ABCC11: variants seen among roughly 807,000 people sequenced by gnomAD.
ABCC11 encodes ATP binding cassette subfamily C member 11.
ABCC11 carries 135 observed loss-of-function variants against 149.3 expected under a neutral mutation model. The ratio of observed to expected loss-of-function variants is 0.90; its 90% confidence interval spans 0.79 to 1.04. ABCC11 has a LOEUF of 1.04. ABCC11 is among the 50% of genes least tolerant of loss of function. ABCC11 has a pLI of 0.00. For synonymous variants in ABCC11, 665 were observed against 671.4 expected, an observed-to-expected ratio of 0.99 and a Z score of 0.15; for missense variants, 1,680 against 1,722.1, an observed-to-expected ratio of 0.98 and a Z score of 0.43.
chr16:48,198,999 A>C (rs1226671256), intron 15 of ABCC11, among the ~76,000 whole-genome samples: 5 of 151,642 alleles, frequency 3.3e-5, no homozygotes, highest in Non-Finnish European at 7.4e-5. Context: ...GTACCATTGC[A>C]CTCCAGCCTA....
Position 48,184,522 on chromosome 16 carries a change from A to G in ABCC11, c.3176T>C (p.Leu1059Ser). ...AAAAGCCACGAACAGGGCAACAGCC[A>G]AGGTCACAAGGTTGGTCATGATCTC... ...RLEIMTNLVT[L>S]AVALFVAFGI... Residue 1059 changes from leucine to serine, a missense_variant, in exon 23 of 30, where the codon TTG becomes TCG. Leu to Ser is a moderately radical substitution (Grantham distance 145). Coordinates refer to ENST00000356608, the MANE Select transcript of ABCC11 (RefSeq NM_001370497.1). 1 of 1,614,258 alleles carries G rather than the reference A, an allele frequency of 6.2e-7. No homozygotes were observed. Among genetic ancestry groups the G allele is most frequent in the Non-Finnish European group, 8.5e-7 (1 of 1,180,046 alleles).
At position 48,167,145 on chromosome 16, in the gene ABCC11, A is replaced by AC; in HGVS notation, c.*128dup. On this transcript the variant is annotated 3_prime_UTR_variant, in exon 30 of 30. Transcript: ENST00000356608. The stretch of plus-strand genomic sequence containing the variant: ...CCATCCAGCAATCCCCACCCCCCCT[A>AC]CATTTACCCCTGCTTCCAGGAGAAG... 2.8e-6 allele frequency: 1 copy of AC among 357,034 alleles called. No homozygotes were observed. Among genetic ancestry groups the AC allele is most frequent in the Non-Finnish European group, 5.6e-6 (1 of 177,328 alleles). The allele number at this position is 357,034 out of a possible 1,614,324, so 22.1% of individuals were successfully genotyped here.
intron 20 of ABCC11, 38 bp downstream of exon 20, chr16:48,192,482 G>A: frequency 6.2e-7 from 1 of 1,604,778 alleles, no homozygotes; most frequent in Non-Finnish European, 8.5e-7. Flanking sequence ...CAAGTTCAGA[G>A]CTCAGCCTTC....
At chr16:48,246,051 T>A (rs1329181630) in intron 1 of ABCC11, among the ~76,000 whole-genome samples, 1 of 152,200 alleles carries the variant, frequency 6.6e-6, no homozygotes, top group Admixed American at 6.5e-5. Context: ...TGTGACTATG[T>A]ACATTTTTTT....
intron 9 of ABCC11, 36 bp downstream of exon 9, chr16:48,214,845 A>C (rs770374067): frequency 1.2e-6 from 2 of 1,612,164 alleles, no homozygotes; most frequent in African/African-American, 2.7e-5. Flanking sequence ...ATTCCCAATC[A>C]TGATGGGGAG....
intron 25 of ABCC11, 124 bp downstream of exon 25, chr16:48,176,800 A>G: frequency 8.5e-7 from 1 of 1,179,124 alleles, no homozygotes. Context: ...CACAGGGCCC[A>G]GCACAGCATG....
intron 3 of ABCC11, among the ~76,000 whole-genome samples, chr16:48,228,419 C>T (rs1437971432): frequency 1.3e-5 from 2 of 151,908 alleles, no homozygotes; most frequent in Admixed American, 1.3e-4. Context: ...CATTGTGAAA[C>T]CCTGTATCTA....
rs558613647 is a variant in ABCC11, at chr16:48,189,088, T to G, written c.2707-1661A>C. Among the ~76,000 whole-genome samples the G allele has an allele frequency of 3.3e-5, 5 of 152,392 alleles. No individual in the cohort carries two copies. The East Asian group carries it at 9.6e-4, about 29-fold the overall frequency. On this transcript the variant is annotated intron_variant, in intron 20 of 29. Transcript: ENST00000356608. ...AGATTTAAAGCCTCCTTGCTTTTTC[T>G]GCCTCTAAAATCCCTTCAATTTTAT...
intron 11 of ABCC11, among the ~76,000 whole-genome samples, chr16:48,209,102 G>C (rs1251226711): frequency 6.6e-6 from 1 of 152,178 alleles, no homozygotes; most frequent in Non-Finnish European, 1.5e-5. Flanking sequence ...GTTGGGGGTT[G>C]AGGCAATTTT....
Position 48,231,250 on chromosome 16 carries a change from G to T in ABCC11, c.99+573C>A, listed in dbSNP as rs1970397618. ...AGATAAATAGGTAATAGGTGATAGAGAGATAGATACAATCTAATCTCTATA... is the reference window on the plus strand; with the variant it reads ...AGATAAATAGGTAATAGGTGATAGATAGATAGATACAATCTAATCTCTATA... On this transcript the variant is annotated intron_variant, in intron 2 of 29. Transcript: ENST00000356608. Among the ~76,000 whole-genome samples the T allele has an allele frequency of 2.6e-5, 4 of 152,090 alleles. 1 individual carries two copies. The highest frequency in any genetic ancestry group is 3.4e-3 in the Middle Eastern group (1 of 294).
intron 1 of ABCC11, among the ~76,000 whole-genome samples, chr16:48,245,611 A>G (rs1173630732): frequency 2.9e-4 from 44 of 152,164 alleles, no homozygotes; most frequent in Admixed American, 2.9e-3. Context: ...CCTCCGTCCC[A>G]GGGAAACCAG....
chr16:48,228,547 G>A (rs895256882), intron 3 of ABCC11, among the ~76,000 whole-genome samples: 5 of 151,744 alleles, frequency 3.3e-5, no homozygotes, highest in African/African-American at 9.7e-5. Flanking sequence ...AGTGAGCCGA[G>A]ATCACGCCAC....
chr16:48,206,221 T>C (rs549143812), intron 12 of ABCC11, among the ~76,000 whole-genome samples: 8 of 152,322 alleles, frequency 5.3e-5, no homozygotes, highest in African/African-American at 1.2e-4. Context: ...TTATTATTGT[T>C]AGGTAGGATA....
chr16:48,215,186 A>C lies in ABCC11; in HGVS notation c.1099+11T>G, dbSNP rs1256850105. ...CACCAGGTTTGGAGCAGAAAGTCAG[A>C]CTTTCCATACCTTCAATGATTTTTG... On this transcript the variant is annotated intron_variant, in intron 8 of 29. Transcript: ENST00000356608. 1.9e-6 allele frequency: 3 copies of C among 1,603,964 alleles called. No homozygotes were observed. The highest frequency in any genetic ancestry group is 1.7e-5 in the Admixed American group (1 of 59,842).
In ABCC11 at chr16:48,216,307, TG is replaced by T. The variant is rs1969341083; in HGVS notation, c.778-21del. ...GATGGCCTGCAAGACAGCAAGTTGA[TG>T]GGCACAGATGTCACCTCCCTGGGTA... On this transcript the variant is annotated intron_variant, in intron 6 of 29. Coordinates refer to ENST00000356608, the MANE Select transcript of ABCC11 (RefSeq NM_001370497.1). The T allele has an allele frequency of 8.7e-6, 14 of 1,607,336 alleles. No individual in the cohort carries two copies. Among genetic ancestry groups the T allele is most frequent in the Non-Finnish European group, 1.0e-5 (12 of 1,176,240 alleles).
chr16:48,227,950 T>C lies in ABCC11; in HGVS notation c.251A>G (p.Gln84Arg), dbSNP rs2150910551. The C allele has an allele frequency of 6.2e-7, 1 of 1,612,302 alleles. No homozygotes were observed. The highest frequency in any genetic ancestry group is 2.2e-5 in the East Asian group (1 of 44,790). The change falls in exon 4 of 30, where the codon CAG becomes CGG. Residue 84 changes from glutamine to arginine, a missense_variant. Physicochemically the swap from Gln to Arg is conservative, Grantham distance 43. Transcript: ENST00000356608. Reference sequence around the variant, plus strand: ...GAACAGGCCAGCATTGTCCAGGGGCTGGGGGGCAGGAAACCTAGTAGAGGG... The same window carrying C: ...GAACAGGCCAGCATTGTCCAGGGGCCGGGGGGCAGGAAACCTAGTAGAGGG... ...FRPKPRFPAP[Q>R]PLDNAGLFSY...
rs74610008 is a variant in ABCC11 at position 48,181,187 on chromosome 16, T to A, written c.3259-2501A>T. ...TGGGCCTTAGTGATTCCGAATCCCC[T>A]AAGACACTGGTGTGGTGCCTCTCCC... is the stretch of plus-strand genomic sequence containing the variant. On this transcript the variant is annotated intron_variant, in intron 23 of 29. Coordinates refer to ENST00000356608, the MANE Select transcript of ABCC11 (RefSeq NM_001370497.1). Among the ~76,000 whole-genome samples the A allele has an allele frequency of 4.0e-3, 609 of 152,282 alleles. 4 individuals carry two copies. The highest frequency in any genetic ancestry group is 0.014 in the African/African-American group (579 of 41,558).
chr16:48,175,241 G>A lies in ABCC11; in HGVS notation c.3698+17C>T, dbSNP rs769026655. The A allele has an allele frequency of 1.1e-5, 18 of 1,592,554 alleles. No homozygotes were observed. In the East Asian group the frequency reaches 3.8e-4, roughly 34 times the overall value. On this transcript the variant is annotated intron_variant, in intron 26 of 29. Coordinates refer to ENST00000356608, the MANE Select transcript of ABCC11 (RefSeq NM_001370497.1). Reference sequence around the variant, plus strand: ...GTGACCCACCTCCTGCAGGCTGCCTGCTGGCCCGGCACTCACCTGATGGTT... The same window carrying A: ...GTGACCCACCTCCTGCAGGCTGCCTACTGGCCCGGCACTCACCTGATGGTT...
rs1965412514 is a variant in ABCC11 at position 48,167,546 on chromosome 16, C to G, written c.4006G>C (p.Val1336Leu). The G allele has an allele frequency of 6.2e-7, 1 of 1,614,052 alleles. No homozygotes were observed. The highest frequency in any genetic ancestry group is 1.3e-5 in the African/African-American group (1 of 74,910). Residue 1336 changes from valine (V) to leucine (L), a missense_variant, in exon 29 of 30, where the codon GTC (valine) becomes CTC (leucine). Physicochemically the swap from Val to Leu is conservative, Grantham distance 32. Transcript: ENST00000356608. ...GCTVLVIAHR[V>L]TTVLNCDHIL... ...TGGTCACAGTTCAGCACAGTGGTGA[C>G]ACGGTGGGCAATGACGAGCACGGTG...
Sources: gnomAD v4.1 joint callset for allele counts (sites outside exome capture counted in the v4.1 genomes callset) on GRCh38, gnomAD v4.1.1 for gene constraint, MANE v1.5 for transcripts, NCBI Gene and HGNC (gene_info 2026-07-23, HGNC 2026-07-21) for gene names.